Variants in CASK observed in about 807,000 individuals in gnomAD.
CASK encodes calcium/calmodulin dependent serine protein kinase.
CASK carries 4 observed loss-of-function variants against 82.9 expected under a neutral mutation model. That is an observed-to-expected ratio of 0.05 (90% CI 0.02 to 0.11). The LOEUF (loss-of-function observed/expected upper bound fraction) is 0.11. Ranked by LOEUF, CASK falls within the 10% of genes least tolerant of loss-of-function variation. The pLI is 1.00. For missense variants in CASK, 358 were observed against 720.9 expected (o/e 0.50, Z 5.76); for synonymous variants, 259 against 253.5 (o/e 1.02, Z -0.20).
intron 2 of CASK, among the ~76,000 whole-genome samples, chrX:41,815,025 T>C (rs1270159920): frequency 9.0e-6 from 1 of 111,347 alleles, no homozygotes; most frequent in East Asian, 2.8e-4. Flanking sequence ...GCATGCAGTG[T>C]CACTGAGTAG....
At chrX:41,638,469 C>T (rs1287607872) in intron 8 of CASK, among the ~76,000 whole-genome samples, 1 of 111,123 alleles carries the variant, frequency 9.0e-6, no homozygotes, top group Non-Finnish European at 1.9e-5. Context: ...TTGCTTCAAC[C>T]CATGAGGTCA....
chrX:41,632,428 A>T (rs1424105217), intron 9 of CASK, among the ~76,000 whole-genome samples: 3 of 112,137 alleles, frequency 2.7e-5, no homozygotes. Flanking sequence ...AAGACTCTAT[A>T]GCAATACCAT....
intron 24 of CASK, among the ~76,000 whole-genome samples, chrX:41,533,968 A>C (rs1011997119): frequency 1.8e-5 from 2 of 111,804 alleles, no homozygotes; most frequent in African/African-American, 3.3e-5. Context: ...TAAAATTTTA[A>C]ACTTTAGAAT....
chrX:41,922,889 T>G, intron 1 of CASK, 41 bp downstream of exon 1: 1 of 1,172,975 alleles, frequency 8.5e-7, no homozygotes, highest in Non-Finnish European at 1.2e-6. Flanking sequence ...ATCACTGAAA[T>G]GCATTTTTCC....
chrX:41,744,369 G>A (rs1043407371), intron 4 of CASK, among the ~76,000 whole-genome samples: 3 of 104,329 alleles, frequency 2.9e-5, no homozygotes, highest in Non-Finnish European at 3.9e-5. Context: ...TTTTTGAGAC[G>A]GAGTCTCGCT....
intron 15 of CASK, 28 bp downstream of exon 15, chrX:41,578,312 G>A (rs781635540): frequency 3.7e-6 from 4 of 1,086,026 alleles, no homozygotes; most frequent in Admixed American, 2.2e-5. Flanking sequence ...TCTTATGAGA[G>A]TATTGAAAAC....
rs748380274 is a variant in CASK, at chrX:41,783,559, A to C, written c.278+3619T>G. Among the ~76,000 whole-genome samples the C allele has an allele frequency of 1.5e-4, 17 of 110,892 alleles. 1 individual carries two copies. The highest frequency in any genetic ancestry group is 6.7e-4 in the Admixed American group (7 of 10,431). Reference sequence around the variant, plus strand: ...GCAAGACTCTGTCTCAAAAAAAAAAAAAAAACAAAAGAATTACAATATCTT... The same window carrying C: ...GCAAGACTCTGTCTCAAAAAAAAAACAAAAACAAAAGAATTACAATATCTT... On this transcript the variant is annotated intron_variant, in intron 3 of 26. Transcript: ENST00000378163.
chrX:41,688,161 A>T (rs5918225), intron 5 of CASK, among the ~76,000 whole-genome samples: 15,969 of 109,773 alleles, frequency 0.15, 925 homozygotes, highest in Middle Eastern at 0.17. Context: ...CTGTCCCATA[A>T]ATCATATTTA....
chrX:41,702,927 A>G (rs1165659987), intron 5 of CASK, among the ~76,000 whole-genome samples: 1 of 112,670 alleles, frequency 8.9e-6, no homozygotes, highest in African/African-American at 3.2e-5. Context: ...GTTGAATAGA[A>G]GAAAAAAAAT....
intron 1 of CASK, among the ~76,000 whole-genome samples, chrX:41,881,852 C>A (rs1035047632): frequency 9.0e-6 from 1 of 111,407 alleles, no homozygotes; most frequent in Non-Finnish European, 1.9e-5. Context: ...ACAATTATAG[C>A]AAGGTAGCTA....
rs181640280 is a variant in CASK at position 41,653,797 on chromosome X, T to G, written c.831+6642A>C. On this transcript the variant is annotated intron_variant, in intron 8 of 26. Transcript: ENST00000378163. Reference sequence around the variant, plus strand: ...GAATAACTAATTTAGGGCACTTTCTTTGGTTTTAAATGCTGCAGAGTGGAC... The same window carrying G: ...GAATAACTAATTTAGGGCACTTTCTGTGGTTTTAAATGCTGCAGAGTGGAC... Among the ~76,000 whole-genome samples, 182 of 112,545 alleles carry G rather than the reference T, an allele frequency of 1.6e-3. No individual in the cohort carries two copies. In the East Asian group the frequency reaches 0.019, roughly 12 times the overall value.
chrX:41,787,377 G>A, intron 2 of CASK, 94 bp from the exon 3 acceptor site: 2 of 574,134 alleles, frequency 3.5e-6, no homozygotes, highest in Non-Finnish European at 6.2e-6. Flanking sequence ...TGGTAACATG[G>A]ATACTTCTCT....
chrX:41,791,186 C>T (rs1429218269), intron 2 of CASK, among the ~76,000 whole-genome samples: 1 of 108,710 alleles, frequency 9.2e-6, no homozygotes, highest in Non-Finnish European at 1.9e-5. Context: ...TTTTGTGGAA[C>T]GGGTGGTGTT....
intron 1 of CASK, among the ~76,000 whole-genome samples, chrX:41,862,542 GAAAAAA>G (rs35462461): frequency 6.1e-5 from 2 of 32,871 alleles, no homozygotes; most frequent in Middle Eastern, 0.022. Context: ...CTCTGTCTCA[GAAAAAA>G]AAAAAAAAAA....
chrX:41,631,960 T>C (rs764542914), intron 9 of CASK, among the ~76,000 whole-genome samples: 1 of 110,570 alleles, frequency 9.0e-6, no homozygotes, highest in South Asian at 3.9e-4. Context: ...AGACAGAGTC[T>C]TACTCTGTCA....
intron 5 of CASK, chrX:41,728,167 AAAAT>A (rs1198384922): frequency 1.1e-5 from 4 of 377,504 alleles, no homozygotes; most frequent in Non-Finnish European, 9.1e-6. Flanking sequence ...TTGGTTTTTA[AAAAT>A]AAATAAACAT....
At chrX:41,709,785 C>T in intron 5 of CASK, among the ~76,000 whole-genome samples, 1 of 111,420 alleles carries the variant, frequency 9.0e-6, no homozygotes, top group East Asian at 2.8e-4. Flanking sequence ...TGAATACAGA[C>T]ACTAATGGGT....
At chrX:41,832,802 C>T (rs1429288181) in intron 2 of CASK, among the ~76,000 whole-genome samples, 1 of 112,278 alleles carries the variant, frequency 8.9e-6, no homozygotes, top group Non-Finnish European at 1.9e-5. Flanking sequence ...CCCTATAACT[C>T]ATGCCTGAAT....
intron 2 of CASK, among the ~76,000 whole-genome samples, chrX:41,830,588 AGGTG>A (rs2070773712): frequency 9.1e-6 from 1 of 109,765 alleles, no homozygotes; most frequent in Non-Finnish European, 1.9e-5. Flanking sequence ...TGGGAGGCCA[AGGTG>A]GGCGGATCAT....
Sources: gnomAD v4.1 joint callset for allele counts (sites outside exome capture counted in the v4.1 genomes callset) on GRCh38, gnomAD v4.1.1 for gene constraint, MANE v1.5 for transcripts, NCBI Gene and HGNC (gene_info 2026-07-23, HGNC 2026-07-21) for gene names.